Variants in RNGTT observed in about 807,000 individuals in gnomAD.
RNGTT encodes mRNA-capping enzyme.
Under a neutral mutation model 79.3 loss-of-function variants are expected in RNGTT, and 33 were observed. The ratio of observed to expected loss-of-function variants is 0.42; its 90% confidence interval spans 0.32 to 0.56. RNGTT has a LOEUF of 0.56. Among genes scored for constraint, RNGTT ranks in the 20% least tolerant of loss-of-function variants. RNGTT has a pLI of 0.17. For synonymous variants in RNGTT, 222 were observed against 235.9 expected (o/e 0.94, Z 0.54); for missense variants, 497 against 739.1 (o/e 0.67, Z 3.80).
intron 11 of RNGTT, among the ~76,000 whole-genome samples, chr6:88,835,038 C>A (rs1353198658): frequency 6.6e-6 from 1 of 152,114 alleles, no homozygotes; most frequent in Non-Finnish European, 1.5e-5. Flanking sequence ...ACTACTCTTT[C>A]ATCCTATAAA....
chr6:88,908,611 C>A (rs1353756213), intron 4 of RNGTT, among the ~76,000 whole-genome samples: 1 of 152,132 alleles, frequency 6.6e-6, no homozygotes, highest in Non-Finnish European at 1.5e-5. Flanking sequence ...TGGGGCACCA[C>A]ACTCCCACCA....
At chr6:88,648,195 C>G (rs1252233957) in intron 14 of RNGTT, among the ~76,000 whole-genome samples, 1 of 152,040 alleles carries the variant, frequency 6.6e-6, no homozygotes, top group African/African-American at 2.4e-5. Context: ...GACTGTAAGA[C>G]TTAGGAATCC....
intron 13 of RNGTT, among the ~76,000 whole-genome samples, chr6:88,766,357 T>G (rs1468772668): frequency 1.3e-5 from 2 of 152,138 alleles, no homozygotes; most frequent in Non-Finnish European, 2.9e-5. Flanking sequence ...CAGACTACTT[T>G]TGTAATTCTA....
chr6:88,878,518 C>G (rs964821418), intron 8 of RNGTT, among the ~76,000 whole-genome samples: 1 of 152,076 alleles, frequency 6.6e-6, no homozygotes, highest in African/African-American at 2.4e-5. Context: ...CAGACACCTC[C>G]ACAAAAACTC....
At chr6:88,840,321 T>G (rs1281930631) in intron 11 of RNGTT, among the ~76,000 whole-genome samples, 1 of 152,082 alleles carries the variant, frequency 6.6e-6, no homozygotes, top group African/African-American at 2.4e-5. Context: ...TAAGAGACAT[T>G]AAGGACAAAA....
chr6:88,624,498 T>C (rs1772553560), intron 14 of RNGTT, among the ~76,000 whole-genome samples: 1 of 151,920 alleles, frequency 6.6e-6, no homozygotes, highest in Admixed American at 6.6e-5. Flanking sequence ...GTCTTTTCAA[T>C]AAATGGTACT....
chr6:88,655,924 T>C (rs1773960812), intron 14 of RNGTT, among the ~76,000 whole-genome samples: 2 of 152,206 alleles, frequency 1.3e-5, no homozygotes, highest in South Asian at 2.1e-4. Flanking sequence ...GCTTTCATAA[T>C]GAGAAACCTA....
chr6:88,760,293 G>A (rs1778168968), intron 13 of RNGTT, among the ~76,000 whole-genome samples: 1 of 152,074 alleles, frequency 6.6e-6, no homozygotes, highest in Non-Finnish European at 1.5e-5. Context: ...AAATAACAGA[G>A]GAAACAAGAG....
chr6:88,632,544 G>GACAC (rs55920605), intron 14 of RNGTT, among the ~76,000 whole-genome samples: 42,241 of 132,606 alleles, frequency 0.32, 6,360 homozygotes, highest in East Asian at 0.57. Context: ...CAGACACACA[G>GACAC]ACACACACAC....
intron 13 of RNGTT, among the ~76,000 whole-genome samples, chr6:88,720,084 T>C (rs1776657348): frequency 6.6e-6 from 1 of 152,148 alleles, no homozygotes. Context: ...CATGTTTCCA[T>C]TGCATTGGTT....
At position 88,942,545 on chromosome 6, in the gene RNGTT, G is replaced by T. The variant is rs557742761; in HGVS notation, c.65-1365C>A. On this transcript the variant is annotated intron_variant, in intron 1 of 15. Coordinates refer to ENST00000369485, the MANE Select transcript of RNGTT (RefSeq NM_003800.5). ...CCACCACACTCAGCTAATTTTTTGT[G>T]TTTTTTGTAGGGATGAGGTTTTGCC... is the stretch of plus-strand genomic sequence containing the variant. 1.6e-4 allele frequency among the ~76,000 whole-genome samples: 24 copies of T among 151,738 alleles called. No homozygotes were observed. The South Asian group carries it at 5.0e-3, about 32-fold the overall frequency.
In RNGTT at chr6:88,702,940, A is replaced by G. The variant is rs188999544; in HGVS notation, c.1440-24521T>C. 2.0e-3 allele frequency among the ~76,000 whole-genome samples: 299 copies of G among 152,282 alleles called. 4 individuals carry two copies. Among genetic ancestry groups the G allele is most frequent in the African/African-American group, 7.0e-3 (290 of 41,566 alleles). On this transcript the variant is annotated intron_variant, in intron 13 of 15. Transcript: ENST00000369485. Reference sequence around the variant, plus strand: ...TTCGACACATAAACAGCCAACAAACATATGAAAAAATGCTCCACATCACTA... The same window carrying G: ...TTCGACACATAAACAGCCAACAAACGTATGAAAAAATGCTCCACATCACTA...
intron 8 of RNGTT, among the ~76,000 whole-genome samples, chr6:88,873,383 C>A (rs778371761): frequency 5.3e-5 from 8 of 152,126 alleles, no homozygotes; most frequent in Non-Finnish European, 8.8e-5. Context: ...AAACCAAGAA[C>A]AATTTGTCAT....
chr6:88,825,885 A>C (rs1411774388), intron 11 of RNGTT, among the ~76,000 whole-genome samples: 3 of 152,248 alleles, frequency 2.0e-5, no homozygotes, highest in Non-Finnish European at 4.4e-5. Flanking sequence ...ACCCGTGTCC[A>C]ACAAAGTAAG....
At chr6:88,862,206 T>C (rs1229614603) in intron 8 of RNGTT, among the ~76,000 whole-genome samples, 1 of 152,168 alleles carries the variant, frequency 6.6e-6, no homozygotes, top group Non-Finnish European at 1.5e-5. Context: ...TCTAGGTAGC[T>C]TCGGGATGGG....
chr6:88,889,639 T>C (rs1782978364), intron 8 of RNGTT, among the ~76,000 whole-genome samples: 1 of 152,204 alleles, frequency 6.6e-6, no homozygotes, highest in Non-Finnish European at 1.5e-5. Flanking sequence ...AAATAATTAT[T>C]TCAACTTGCT....
At chr6:88,738,649 A>G (rs1777363693) in intron 13 of RNGTT, among the ~76,000 whole-genome samples, 1 of 152,172 alleles carries the variant, frequency 6.6e-6, no homozygotes, top group Admixed American at 6.6e-5. Flanking sequence ...CCGTCTCAAA[A>G]CATAAATAAA....
intron 11 of RNGTT, among the ~76,000 whole-genome samples, chr6:88,831,895 C>A (rs1221972817): frequency 6.6e-6 from 1 of 152,132 alleles, no homozygotes; most frequent in East Asian, 1.9e-4. Flanking sequence ...ATGTGAATGA[C>A]CTCTTCAAGG....
chr6:88,913,747 C>A (rs781565023), intron 4 of RNGTT, among the ~76,000 whole-genome samples: 15 of 152,122 alleles, frequency 9.9e-5, no homozygotes, highest in Non-Finnish European at 2.1e-4. Context: ...CCACAGCCAA[C>A]ATAATACTGA....
Sources: gnomAD v4.1 joint callset for allele counts (sites outside exome capture counted in the v4.1 genomes callset) on GRCh38, gnomAD v4.1.1 for gene constraint, MANE v1.5 for transcripts, NCBI Gene and HGNC (gene_info 2026-07-23, HGNC 2026-07-21) for gene names.